Variants in CNGA1 observed in about 807,000 individuals in gnomAD.
CNGA1 encodes cyclic nucleotide gated channel subunit alpha 1.
Under a neutral mutation model 69.7 loss-of-function variants are expected in CNGA1, and 53 were observed. That is an observed-to-expected ratio of 0.76 (90% CI 0.61 to 0.96). The LOEUF (loss-of-function observed/expected upper bound fraction) is 0.96. CNGA1 is among the 40% of genes least tolerant of loss of function. The pLI is 0.00. For synonymous variants in CNGA1, 249 were observed against 283.5 expected (o/e 0.88, Z 1.22); for missense variants, 739 against 811.2 (o/e 0.91, Z 1.08).
At chr4:48,012,050 G>A (rs1715189418) in intron 1 of CNGA1, among the ~76,000 whole-genome samples, 1 of 152,150 alleles carries the variant, frequency 6.6e-6, no homozygotes, top group African/African-American at 2.4e-5. Context: ...CAGCTTTGCA[G>A]GGCCACTTCA....
chr4:47,970,289 C>T (rs1274480281), intron 3 of CNGA1, among the ~76,000 whole-genome samples: 2 of 152,090 alleles, frequency 1.3e-5, no homozygotes, highest in Admixed American at 6.5e-5. Context: ...GGCAAGCCCA[C>T]GGGAACAGCA....
At chr4:47,948,787 CAAG>C (rs1739573226) in intron 6 of CNGA1, among the ~76,000 whole-genome samples, 1 of 152,156 alleles carries the variant, frequency 6.6e-6, no homozygotes, top group Admixed American at 6.5e-5. Flanking sequence ...AGCCATGACT[CAAG>C]AAGGGCATGG....
chr4:47,951,404 G>T lies in CNGA1; in HGVS notation c.173C>A (p.Ala58Glu). The T allele has an allele frequency of 1.9e-6, 3 of 1,613,836 alleles. No individual in the cohort carries two copies. Among genetic ancestry groups the T allele is most frequent in the Middle Eastern group, 1.7e-4 (1 of 6,048 alleles). The change falls in exon 5 of 11, where the codon GCA becomes GAA. Residue 58 changes from alanine to glutamate, a missense_variant. Transcript: ENST00000514170. ...SEESENENPH[A>E]RGSFSYKSLR... ...TGACTTATAACTAAAGGAACCCCTT[G>T]CATGAGGGTTTTCATTCTCTGATTC...
intron 2 of CNGA1, among the ~76,000 whole-genome samples, chr4:48,010,290 G>A (rs1044337124): frequency 2.6e-5 from 4 of 152,134 alleles, no homozygotes; most frequent in African/African-American, 9.7e-5. Flanking sequence ...TTTTTAACTG[G>A]ATCTCTAAGC....
intron 2 of CNGA1, among the ~76,000 whole-genome samples, chr4:47,996,523 G>A (rs1246904386): frequency 6.6e-6 from 1 of 152,078 alleles, no homozygotes; most frequent in African/African-American, 2.4e-5. Context: ...AGAAATGATT[G>A]ACATAAAACT....
At chr4:47,953,828 C>T (rs1030219790) in intron 3 of CNGA1, among the ~76,000 whole-genome samples, 3 of 152,250 alleles carry the variant, frequency 2.0e-5, no homozygotes, top group South Asian at 2.1e-4. Flanking sequence ...TAACTGATAA[C>T]GGGAAGGGGG....
At chr4:47,938,830 A>G (rs572974329) in intron 10 of CNGA1, among the ~76,000 whole-genome samples, 1 of 151,868 alleles carries the variant, frequency 6.6e-6, no homozygotes, top group Non-Finnish European at 1.5e-5. Context: ...TAATCCCAGC[A>G]CTTTGGAAGG....
At chr4:48,012,816 G>A (rs899048062) in intron 1 of CNGA1, 3 of 151,962 alleles carry the variant, frequency 2.0e-5, no homozygotes, top group Non-Finnish European at 2.9e-5. Context: ...TGCTCTAATG[G>A]TAAGGAGAAA....
chr4:48,011,242 G>C (rs1349834183), intron 1 of CNGA1, among the ~76,000 whole-genome samples: 2 of 150,836 alleles, frequency 1.3e-5, no homozygotes, highest in Non-Finnish European at 2.9e-5. Context: ...CCAGCTAGTC[G>C]TGTCTCTCAG....
intron 3 of CNGA1, among the ~76,000 whole-genome samples, chr4:47,956,656 G>A (rs968176385): frequency 1.3e-5 from 2 of 152,124 alleles, no homozygotes; most frequent in African/African-American, 4.8e-5. Flanking sequence ...ATGAAGTGCT[G>A]TAGAACATTG....
At chr4:47,996,086 T>C (rs1308964036) in intron 2 of CNGA1, among the ~76,000 whole-genome samples, 1 of 152,084 alleles carries the variant, frequency 6.6e-6, no homozygotes, top group Non-Finnish European at 1.5e-5. Flanking sequence ...TTCAGAGAGG[T>C]CTCTGGGTAC....
At chr4:47,973,066 CTTT>C (rs3058684) in intron 3 of CNGA1, among the ~76,000 whole-genome samples, 4 of 120,280 alleles carry the variant, frequency 3.3e-5, no homozygotes, top group Non-Finnish European at 3.3e-5. Context: ...AAAGCACCAT[CTTT>C]TTTTTTTTTT....
intron 2 of CNGA1, among the ~76,000 whole-genome samples, chr4:47,998,628 A>G (rs968931994): frequency 1.3e-5 from 2 of 150,862 alleles, no homozygotes; most frequent in African/African-American, 4.9e-5. Context: ...TACAAAAAAA[A>G]TTAGCTGGGC....
intron 2 of CNGA1, among the ~76,000 whole-genome samples, chr4:47,997,021 C>G (rs1302725361): frequency 6.6e-6 from 1 of 152,148 alleles, no homozygotes; most frequent in African/African-American, 2.4e-5. Context: ...GATTGTGCCA[C>G]TTGACTCCAG....
chr4:48,004,910 A>C (rs1440261851), intron 2 of CNGA1, among the ~76,000 whole-genome samples: 2 of 152,172 alleles, frequency 1.3e-5, no homozygotes, highest in Non-Finnish European at 2.9e-5. Context: ...AGAAACTGAA[A>C]GCAATATTTT....
chr4:47,953,998 C>T (rs1486447350), intron 3 of CNGA1, among the ~76,000 whole-genome samples: 6 of 151,988 alleles, frequency 3.9e-5, no homozygotes, highest in Non-Finnish European at 8.8e-5. Flanking sequence ...CTGTCACGTC[C>T]CCCCCATCCT....
intron 2 of CNGA1, among the ~76,000 whole-genome samples, chr4:48,009,741 T>G (rs1349064127): frequency 6.6e-6 from 1 of 151,908 alleles, no homozygotes. Flanking sequence ...GAGACAGAGG[T>G]TGTATTCAGC....
At chr4:47,994,949 C>T (rs1578121311) in intron 2 of CNGA1, among the ~76,000 whole-genome samples, 1 of 152,214 alleles carries the variant, frequency 6.6e-6, no homozygotes. Flanking sequence ...CTTGGCTTCA[C>T]TGGATACACA....
At chr4:47,971,100 T>A (rs1243877661) in intron 3 of CNGA1, 3 of 448,494 alleles carry the variant, frequency 6.7e-6, no homozygotes, top group African/African-American at 4.1e-5. Flanking sequence ...CGAGACTCCA[T>A]CTAAAAAAAA....
Sources: gnomAD v4.1 joint callset for allele counts (sites outside exome capture counted in the v4.1 genomes callset) on GRCh38, gnomAD v4.1.1 for gene constraint, MANE v1.5 for transcripts, NCBI Gene and HGNC (gene_info 2026-07-23, HGNC 2026-07-21) for gene names.